Variants in ZNF143 observed in about 807,000 individuals in gnomAD.
The protein encoded by ZNF143 is zinc finger protein 143.
Under a neutral mutation model 74.1 loss-of-function variants are expected in ZNF143, and 49 were observed. The observed-to-expected ratio is 0.66, with a 90% CI of 0.53 to 0.84. The LOEUF (loss-of-function observed/expected upper bound fraction) is 0.84, where lower values mean the gene tolerates loss of function less well. Among genes scored for constraint, ZNF143 ranks in the 40% least tolerant of loss-of-function variants. The pLI is 0.00. For synonymous variants in ZNF143, 304 were observed against 282.8 expected, an observed-to-expected ratio of 1.07 and a Z score of -0.75; for missense variants, 637 against 793.4, an observed-to-expected ratio of 0.80 and a Z score of 2.37.
intron 1 of ZNF143, among the ~76,000 whole-genome samples, chr11:9,464,380 C>T (rs1441885277): frequency 6.6e-6 from 1 of 152,090 alleles, no homozygotes; most frequent in East Asian, 1.9e-4. Flanking sequence ...GCAGGTGGAT[C>T]TCCTGAGGTC....
chr11:9,479,807 T>G (rs371710723), intron 7 of ZNF143, among the ~76,000 whole-genome samples: 1 of 152,228 alleles, frequency 6.6e-6, no homozygotes, highest in East Asian at 1.9e-4. Flanking sequence ...GGCAGTTTTC[T>G]GGACAAGGCA....
chr11:9,508,002 T>C (rs1848421938), intron 11 of ZNF143, among the ~76,000 whole-genome samples: 1 of 152,228 alleles, frequency 6.6e-6, no homozygotes, highest in African/African-American at 2.4e-5. Context: ...TCTAAAAATA[T>C]GTGTACTGCC....
At chr11:9,509,662 G>T (rs1262694880) in intron 12 of ZNF143, among the ~76,000 whole-genome samples, 4 of 152,156 alleles carry the variant, frequency 2.6e-5, no homozygotes, top group African/African-American at 7.2e-5. Context: ...GGTGGAAAAG[G>T]TTTGTTGGAG....
At chr11:9,485,221 A>G (rs1847422441) in intron 7 of ZNF143, among the ~76,000 whole-genome samples, 1 of 151,372 alleles carries the variant, frequency 6.6e-6, no homozygotes. Flanking sequence ...TTAAATATAA[A>G]AGTAATCATG....
chr11:9,465,826 G>A (rs767139698), intron 1 of ZNF143, among the ~76,000 whole-genome samples: 6 of 151,640 alleles, frequency 4.0e-5, no homozygotes, highest in Non-Finnish European at 8.8e-5. Flanking sequence ...TTGTTTGTTT[G>A]TTTTCTTTTT....
At chr11:9,462,028 T>A (rs2133796390) in intron 1 of ZNF143, 1 of 152,270 alleles carries the variant, frequency 6.6e-6, no homozygotes, top group Admixed American at 6.5e-5. Flanking sequence ...TTTCCTGTAG[T>A]TGACAAAAAA....
chr11:9,501,349 C>G, intron 11 of ZNF143, 79 bp downstream of exon 11: 1 of 1,496,524 alleles, frequency 6.7e-7, no homozygotes, highest in Non-Finnish European at 9.1e-7. Flanking sequence ...CCATTTCCAA[C>G]TAATCTCTTC....
At position 9,486,363 on chromosome 11, in the gene ZNF143, T is replaced by TAA. The variant is rs1491555379; in HGVS notation, c.645+6817_645+6818insAA. On this transcript the variant is annotated intron_variant, in intron 7 of 15. Transcript: ENST00000396602. ...ATATTATATATATATTATATATATA[T>TAA]TATATATAATATATTATATATATAA... is the stretch of plus-strand genomic sequence containing the variant. Among the ~76,000 whole-genome samples the TAA allele has an allele frequency of 6.8e-4, 28 of 41,242 alleles. 2 individuals carry two copies. Among genetic ancestry groups the TAA allele is most frequent in the South Asian group, 3.3e-3 (6 of 1,826 alleles). 27.1% of individuals were successfully genotyped at this position (41,242 alleles called of 152,430 possible).
chr11:9,461,919 C>G (rs1379971794), intron 1 of ZNF143: 1 of 152,192 alleles, frequency 6.6e-6, no homozygotes, highest in African/African-American at 2.4e-5. Context: ...TTGGAAGTGT[C>G]TAAATCAGCT....
intron 14 of ZNF143, among the ~76,000 whole-genome samples, chr11:9,520,371 G>C (rs949818070): frequency 3.6e-5 from 5 of 139,768 alleles, no homozygotes; most frequent in African/African-American, 1.4e-4. Context: ...GGCAGCATAT[G>C]CCTGTAGTCC....
intron 7 of ZNF143, among the ~76,000 whole-genome samples, chr11:9,481,238 A>G (rs1847225949): frequency 6.6e-6 from 1 of 152,090 alleles, no homozygotes; most frequent in Admixed American, 6.6e-5. Context: ...AAATTACAAA[A>G]TTAGCAAGGC....
At position 9,474,565 on chromosome 11, in the gene ZNF143, G is replaced by A. The variant is rs996751185; in HGVS notation, c.305G>A (p.Arg102His). ...PIPKSTGDSL[R>H]LEDGQAVQLE... ...TGTTCTTGAGCAGGGGACAGTTTGC[G>A]TCTAGAGGATGGTCAAGCAGTACAG... Residue 102 changes from arginine to histidine, a missense_variant, in exon 5 of 16, where the codon CGT becomes CAT. Arg to His is a conservative substitution (Grantham distance 29, BLOSUM62 0). Coordinates refer to ENST00000396602, the MANE Select transcript of ZNF143 (RefSeq NM_003442.6). The A allele has an allele frequency of 3.1e-6, 5 of 1,614,108 alleles. No individual in the cohort carries two copies. Among genetic ancestry groups the A allele is most frequent in the South Asian group, 1.1e-5 (1 of 91,078 alleles).
chr11:9,486,357 T>TATA (rs1304811423), intron 7 of ZNF143, among the ~76,000 whole-genome samples: 1 of 52,064 alleles, frequency 1.9e-5, no homozygotes, highest in Non-Finnish European at 3.7e-5. Flanking sequence ...ATATATTATA[T>TATA]ATATATTATA....
intron 1 of ZNF143, among the ~76,000 whole-genome samples, chr11:9,463,494 C>G (rs952981578): frequency 6.6e-6 from 1 of 152,126 alleles, no homozygotes; most frequent in Non-Finnish European, 1.5e-5. Context: ...GAAATGGTGT[C>G]TCTTGTAGGT....
chr11:9,517,215 A>G (rs1363816534), intron 14 of ZNF143, among the ~76,000 whole-genome samples: 1 of 151,694 alleles, frequency 6.6e-6, no homozygotes, highest in Non-Finnish European at 1.5e-5. Flanking sequence ...ATGATAGTAA[A>G]CTAGTCTGTT....
rs919894298 is a variant in ZNF143, at chr11:9,500,991, TA to T, written c.968-99del. 3.5e-6 allele frequency: 5 copies of T among 1,410,874 alleles called. No individual in the cohort carries two copies. The African/African-American group carries it at 4.3e-5, about 12-fold the overall frequency. The allele number at this position is 1,410,874 out of a possible 1,614,324, so 87.4% of individuals were successfully genotyped here. A position where few individuals can be genotyped will look rare whatever the true frequency, so the allele number is the denominator to read the frequency against. On this transcript the variant is annotated intron_variant, in intron 10 of 15. Coordinates refer to ENST00000396602, the MANE Select transcript of ZNF143 (RefSeq NM_003442.6). Reference sequence around the variant, plus strand: ...AAAGGGAAGCTCAGCACAAGAAGGCTAGAGTCTTGAGCATAATCCTAGGCAG... The same window carrying T: ...AAAGGGAAGCTCAGCACAAGAAGGCTGAGTCTTGAGCATAATCCTAGGCAG...
chr11:9,501,205 A>T lies in ZNF143; in HGVS notation c.1082A>T (p.Glu361Val), dbSNP rs765572385. Reference protein sequence around the residue: ...HTGERPYYCTEPGCGRAFASA... With the variant: ...HTGERPYYCTVPGCGRAFASA... ...GGAGAAAGACCTTATTACTGCACAG[A>T]GCCAGGATGTGGGAGGGCATTTGCC... is the stretch of plus-strand genomic sequence containing the variant. Residue 361 changes from glutamate to valine, a missense_variant, in exon 11 of 16, where the codon GAG (glutamate) becomes GTG (valine). Glu to Val is a moderately radical substitution (Grantham distance 121). Transcript: ENST00000396602. 1 of 1,614,240 alleles carries T rather than the reference A, an allele frequency of 6.2e-7. No individual in the cohort carries two copies. The highest frequency in any genetic ancestry group is 8.5e-7 in the Non-Finnish European group (1 of 1,180,052).
chr11:9,481,762 C>G (rs1156631181), intron 7 of ZNF143, among the ~76,000 whole-genome samples: 1 of 150,818 alleles, frequency 6.6e-6, no homozygotes, highest in African/African-American at 2.4e-5. Flanking sequence ...GTGGTGTGCG[C>G]CTATAATCCC....
At chr11:9,489,401 T>TTATTTTAC (rs1847683816) in intron 7 of ZNF143, among the ~76,000 whole-genome samples, 1 of 152,164 alleles carries the variant, frequency 6.6e-6, no homozygotes, top group Non-Finnish European at 1.5e-5. Context: ...TTTCTGACCC[T>TTATTTTAC]TATTTTACTA....
Sources: gnomAD v4.1 joint callset for allele counts (sites outside exome capture counted in the v4.1 genomes callset) on GRCh38, gnomAD v4.1.1 for gene constraint, MANE v1.5 for transcripts, NCBI Gene and HGNC (gene_info 2026-07-23, HGNC 2026-07-21) for gene names.